The following ARHGEF3 variants were observed in gnomAD, a reference collection of about 807,000 sequenced individuals.
ARHGEF3 encodes the protein Rho guanine nucleotide exchange factor 3, also known as 59.8 kDA protein.
ARHGEF3 carries 28 observed loss-of-function variants against 63.2 expected under a neutral mutation model. The ratio of observed to expected loss-of-function variants is 0.44; its 90% CI spans 0.33 to 0.61. ARHGEF3 has a LOEUF of 0.61. Among genes scored for constraint, ARHGEF3 ranks in the 20% least tolerant of loss-of-function variants. The pLI is 0.03. For missense variants in ARHGEF3, 533 were observed against 659.3 expected (o/e 0.81, Z 2.10); for synonymous variants, 266 against 254.2 (o/e 1.05, Z -0.44).
At chr3:56,978,979 GC>G (rs911469248) in intron 2 of ARHGEF3, among the ~76,000 whole-genome samples, 1 of 152,126 alleles carries the variant, frequency 6.6e-6, no homozygotes, top group Non-Finnish European at 1.5e-5. Context: ...AAGAAAGTGA[GC>G]CCTCACCTCT....
chr3:56,855,511 C>A (rs2039839494), intron 4 of ARHGEF3, among the ~76,000 whole-genome samples: 4 of 151,584 alleles, frequency 2.6e-5, no homozygotes, highest in Admixed American at 6.6e-5. Context: ...TGGTAAAACC[C>A]CTCTCTACTA....
chr3:56,981,283 A>G (rs1344408609), intron 2 of ARHGEF3, among the ~76,000 whole-genome samples: 3 of 152,230 alleles, frequency 2.0e-5, no homozygotes, highest in Non-Finnish European at 4.4e-5. Flanking sequence ...ATAAGTTTGC[A>G]CTGGAAGATG....
At chr3:56,993,166 T>A (rs1701831710) in intron 2 of ARHGEF3, among the ~76,000 whole-genome samples, 1 of 152,120 alleles carries the variant, frequency 6.6e-6, no homozygotes, top group African/African-American at 2.4e-5. Flanking sequence ...TACAATAGGA[T>A]GATAATTTCC....
chr3:56,903,047 C>G (rs997505775), intron 3 of ARHGEF3, among the ~76,000 whole-genome samples: 1 of 146,236 alleles, frequency 6.8e-6, no homozygotes, highest in Non-Finnish European at 1.5e-5. Flanking sequence ...GAATTTGCTT[C>G]TGTGTGTCCC....
chr3:57,030,626 C>T (rs1413847001), intron 2 of ARHGEF3, among the ~76,000 whole-genome samples: 1 of 152,132 alleles, frequency 6.6e-6, no homozygotes, highest in Non-Finnish European at 1.5e-5. Flanking sequence ...AGGACTTTTC[C>T]CCCTCAAAAT....
intron 2 of ARHGEF3, among the ~76,000 whole-genome samples, chr3:56,996,229 C>T (rs962150462): frequency 1.3e-5 from 2 of 152,198 alleles, no homozygotes; most frequent in Non-Finnish European, 2.9e-5. Flanking sequence ...CACCCTCCCT[C>T]ATTTCTGCAT....
At chr3:56,968,328 ATATAT>A in intron 2 of ARHGEF3, among the ~76,000 whole-genome samples, 1 of 54,674 alleles carries the variant, frequency 1.8e-5, no homozygotes, top group Non-Finnish European at 3.7e-5. Context: ...TATTTTATAT[ATATAT>A]AATATATAAT....
intron 2 of ARHGEF3, among the ~76,000 whole-genome samples, chr3:56,771,447 C>T (rs1052174944): frequency 1.3e-4 from 20 of 152,200 alleles, no homozygotes; most frequent in Admixed American, 1.2e-3. Context: ...ACAGATTGTG[C>T]TCTTCCTAGG....
At chr3:56,814,292 C>CT (rs918986232) in intron 4 of ARHGEF3, among the ~76,000 whole-genome samples, 65 of 151,934 alleles carry the variant, frequency 4.3e-4, no homozygotes, top group African/African-American at 1.4e-3. Flanking sequence ...CGTTATGAGA[C>CT]TTTTTTTTGC....
At position 56,737,313 on chromosome 3, in the gene ARHGEF3, T is replaced by C; in HGVS notation, c.913A>G (p.Thr305Ala). 1 of 1,613,494 alleles carries C rather than the reference T, an allele frequency of 6.2e-7. No individual in the cohort carries two copies. Among genetic ancestry groups the C allele is most frequent in the Non-Finnish European group, 8.5e-7 (1 of 1,179,680 alleles). Residue 305 changes from threonine to alanine, a missense_variant, in exon 8 of 10, where the codon ACT becomes GCT. By Grantham distance (58) the Thr-to-Ala change is moderately conservative (BLOSUM62 0). Coordinates refer to ENST00000296315, the MANE Select transcript of ARHGEF3 (RefSeq NM_019555.3). ...QGIVAEINTK[T>A]GESECRYYKE... Reference sequence around the variant, plus strand: ...TAATAGCGGCATTCAGATTCACCAGTCTTGGTGTTGATTTCTGCCACAATT... The same window carrying C: ...TAATAGCGGCATTCAGATTCACCAGCCTTGGTGTTGATTTCTGCCACAATT...
intron 1 of ARHGEF3, among the ~76,000 whole-genome samples, chr3:57,065,320 G>A (rs183929357): frequency 1.3e-5 from 2 of 152,292 alleles, no homozygotes; most frequent in East Asian, 1.9e-4. Context: ...AATTAGCCGG[G>A]TGTGATGGTG....
chr3:56,891,844 GA>G (rs1197211227), intron 3 of ARHGEF3, among the ~76,000 whole-genome samples: 1 of 152,136 alleles, frequency 6.6e-6, no homozygotes, highest in Non-Finnish European at 1.5e-5. Context: ...GCACCGGGGG[GA>G]AAATCATGGG....
intron 2 of ARHGEF3, among the ~76,000 whole-genome samples, chr3:56,963,791 A>C (rs1700373945): frequency 6.6e-6 from 1 of 152,128 alleles, no homozygotes; most frequent in Admixed American, 6.5e-5. Flanking sequence ...CTTTCACTTA[A>C]ACATCTTTTT....
intron 3 of ARHGEF3, chr3:56,958,742 T>G: frequency 1.4e-6 from 2 of 1,430,396 alleles, no homozygotes; most frequent in Non-Finnish European, 1.9e-6. Flanking sequence ...AAACCAACCC[T>G]AACAGCGTCC....
intron 4 of ARHGEF3, among the ~76,000 whole-genome samples, chr3:56,819,396 T>C (rs952437824): frequency 3.9e-5 from 6 of 152,204 alleles, no homozygotes; most frequent in African/African-American, 1.4e-4. Flanking sequence ...CAGACCAAGT[T>C]TTTCTTCTGA....
chr3:56,994,518 T>A (rs1254656654), intron 2 of ARHGEF3, among the ~76,000 whole-genome samples: 1 of 152,136 alleles, frequency 6.6e-6, no homozygotes, highest in African/African-American at 2.4e-5. Context: ...GGAAAAGAGT[T>A]TCAACAGCCC....
intron 3 of ARHGEF3, among the ~76,000 whole-genome samples, chr3:56,934,662 G>A (rs865984384): frequency 1.1e-4 from 16 of 152,348 alleles, no homozygotes; most frequent in Admixed American, 3.9e-4. Context: ...GCCCACCAGC[G>A]CTGCGCTCGA....
Position 56,755,007 on chromosome 3 carries a change from T to A in ARHGEF3, c.349A>T (p.Thr117Ser). Reference sequence around the variant, plus strand: ...TCCTGACGTTTGATTTCCTTGGATGTAAGCATCTGATTGACGCACACATCG... The same window carrying A: ...TCCTGACGTTTGATTTCCTTGGATGAAAGCATCTGATTGACGCACACATCG... ...TFDVCVNQML[T>S]SKEIKRQEAI... is the part of the protein sequence containing the mutation. The change falls in exon 3 of 10, where the codon ACA becomes TCA. Residue 117 changes from threonine (T) to serine (S), a missense_variant. Thr to Ser is a moderately conservative substitution (Grantham distance 58). Coordinates refer to ENST00000296315, the MANE Select transcript of ARHGEF3 (RefSeq NM_019555.3). 1 of 1,614,244 alleles carries A rather than the reference T, an allele frequency of 6.2e-7. No individual in the cohort carries two copies. Among genetic ancestry groups the A allele is most frequent in the Non-Finnish European group, 8.5e-7 (1 of 1,180,044 alleles).
chr3:56,743,728 A>G lies in ARHGEF3; in HGVS notation c.870+1477T>C, dbSNP rs200944275. 5.3e-5 allele frequency among the ~76,000 whole-genome samples: 8 copies of G among 152,124 alleles called. No individual in the cohort carries two copies. In the East Asian group the frequency reaches 1.5e-3, roughly 29 times the overall value. On this transcript the variant is annotated intron_variant, in intron 7 of 9. Transcript: ENST00000296315. ...GCAGGTTCAAGGTTTCTGATTTTCA[A>G]ATTACCTATGCATATCCTCCTTCTA... is the stretch of plus-strand genomic sequence containing the variant.
Sources: allele counts gnomAD v4.1 joint callset (sites outside exome capture counted in the v4.1 genomes callset), GRCh38; gene constraint gnomAD v4.1.1; transcripts MANE v1.5; gene names NCBI Gene and HGNC (gene_info 2026-07-23, HGNC 2026-07-21).